Variants in CD109 observed in about 807,000 individuals in gnomAD.
CD109 encodes the protein CD109 antigen.
CD109 carries 149 observed loss-of-function variants against 165.8 expected under a neutral mutation model. The observed-to-expected ratio is 0.90, with a 90% CI of 0.79 to 1.03. The LOEUF (loss-of-function observed/expected upper bound fraction) is 1.03. CD109 is among the 50% of genes least tolerant of loss of function. The pLI is 0.00. For missense variants in CD109, 1,712 were observed against 1,677.8 expected (o/e 1.02, Z -0.36); for synonymous variants, 585 against 592.1 (o/e 0.99, Z 0.18).
At chr6:73,813,294 C>A (rs911314262) in intron 29 of CD109, among the ~76,000 whole-genome samples, 11 of 152,012 alleles carry the variant, frequency 7.2e-5, no homozygotes, top group Admixed American at 6.6e-4. Context: ...AAGAGTAAAT[C>A]CAGAAGTAAA....
At chr6:73,738,885 C>G (rs1221008377) in intron 5 of CD109, among the ~76,000 whole-genome samples, 1 of 152,156 alleles carries the variant, frequency 6.6e-6, no homozygotes, top group Non-Finnish European at 1.5e-5. Flanking sequence ...TGCTTTTAAC[C>G]TGCAGCCATT....
At chr6:73,682,340 T>G in the CD109 span, among the ~76,000 whole-genome samples, 1 of 152,324 alleles carries the variant, frequency 6.6e-6, no homozygotes, top group Middle Eastern at 3.4e-3. Flanking sequence ...ACACGTCCCA[T>G]GCAAGTCCAA....
At chr6:73,821,957 A>G (rs1400117002) in intron 32 of CD109, among the ~76,000 whole-genome samples, 1 of 152,198 alleles carries the variant, frequency 6.6e-6, no homozygotes, top group Non-Finnish European at 1.5e-5. Context: ...CATCGGCTGG[A>G]GTTAGCTGTT....
rs764833525 is a variant in CD109, at chr6:73,765,957, CA to C, written c.1137del (p.Gln379HisfsTer2). ...TVKVTRADGN[Q>X]LTLEERRNNV... is the part of the protein sequence containing the mutation. ...GAAGGTAACTCGTGCTGATGGCAAC[CA>C]ACTGACTCTTGAAGAAAGAAGAAAT... On this transcript the variant is annotated frameshift_variant, in exon 11 of 33. Coordinates refer to ENST00000287097, the MANE Select transcript of CD109 (RefSeq NM_133493.5). LOFTEE classifies it high-confidence loss of function. The C allele has an allele frequency of 2.5e-6, 4 of 1,613,744 alleles. No individual in the cohort carries two copies. The African/African-American group carries it at 5.3e-5, about 22-fold the overall frequency.
At chr6:73,779,639 G>T (rs9447016) in intron 15 of CD109, among the ~76,000 whole-genome samples, 59,074 of 151,778 alleles carry the variant, frequency 0.39, 11,769 homozygotes, top group African/African-American at 0.47. Context: ...ATGGACACAG[G>T]TTGTTTCCAC....
chr6:73,765,999 G>A lies in CD109; in HGVS notation c.1177G>A (p.Val393Met). The A allele has an allele frequency of 6.2e-7, 1 of 1,614,108 alleles. No individual in the cohort carries two copies. Among genetic ancestry groups the A allele is most frequent in the Non-Finnish European group, 8.5e-7 (1 of 1,179,970 alleles). The change falls in exon 11 of 33, where the codon GTG (valine) becomes ATG (methionine). Residue 393 changes from valine (V) to methionine (M), a missense_variant. Physicochemically the swap from Val to Met is conservative, Grantham distance 21 (BLOSUM62 1). Transcript: ENST00000287097. ...AAGAAGAAATAATGTAGTCATAACA[G>A]TGACACAGAGAAACTATACTGAGTA... is the stretch of plus-strand genomic sequence containing the variant. ...EERRNNVVIT[V>M]TQRNYTEYWS...
intron 3 of CD109, among the ~76,000 whole-genome samples, chr6:73,728,542 C>T (rs1443617273): frequency 6.6e-6 from 1 of 152,164 alleles, no homozygotes; most frequent in East Asian, 1.9e-4. Context: ...TCCATCTACC[C>T]ATCTTTCTAT....
chr6:73,766,620 A>G lies in CD109; in HGVS notation c.1333-139A>G, dbSNP rs533801287. The G allele has an allele frequency of 2.8e-5, 17 of 613,444 alleles. 1 individual carries two copies. The highest frequency in any genetic ancestry group is 2.0e-4 in the South Asian group (10 of 49,162). 38.0% of individuals were successfully genotyped at this position (613,444 alleles called of 1,614,324 possible). On this transcript the variant is annotated intron_variant, in intron 11 of 32. Coordinates refer to ENST00000287097, the MANE Select transcript of CD109 (RefSeq NM_133493.5). Reference sequence around the variant, plus strand: ...TAAGCTATAAAATGATGAAAATCCAATGTCTGGTGAATGTATTTTTCTTGC... The same window carrying G: ...TAAGCTATAAAATGATGAAAATCCAGTGTCTGGTGAATGTATTTTTCTTGC...
At chr6:73,789,609 A>G (rs1582162255) in intron 22 of CD109, among the ~76,000 whole-genome samples, 1 of 140,734 alleles carries the variant, frequency 7.1e-6, no homozygotes, top group African/African-American at 2.7e-5. Flanking sequence ...ACCCGCCACC[A>G]TGCCTGGCTA....
chr6:73,805,752 G>A (rs192407013), intron 24 of CD109, among the ~76,000 whole-genome samples: 2 of 152,124 alleles, frequency 1.3e-5, no homozygotes, highest in Non-Finnish European at 1.5e-5. Context: ...GACTCTTAAC[G>A]AGCATGCTGC....
intron 14 of CD109, among the ~76,000 whole-genome samples, chr6:73,769,650 G>T (rs1362355075): frequency 6.6e-6 from 1 of 152,228 alleles, no homozygotes; most frequent in Admixed American, 6.5e-5. Flanking sequence ...GTTTATTAAT[G>T]TTCAGTAATG....
chr6:73,728,759 T>G (rs1772234759), intron 3 of CD109, among the ~76,000 whole-genome samples: 1 of 152,152 alleles, frequency 6.6e-6, no homozygotes, highest in Non-Finnish European at 1.5e-5. Context: ...AAAACTTATT[T>G]GCAAAAATGA....
chr6:73,736,359 T>C, intron 4 of CD109, 24 bp from the exon 5 acceptor site: 1 of 1,612,090 alleles, frequency 6.2e-7, no homozygotes, highest in Non-Finnish European at 8.5e-7. Flanking sequence ...CTCTACATAC[T>C]TACATGTCTG....
At chr6:73,785,125 G>C (rs1774638927) in intron 19 of CD109, among the ~76,000 whole-genome samples, 1 of 152,184 alleles carries the variant, frequency 6.6e-6, no homozygotes, top group Non-Finnish European at 1.5e-5. Flanking sequence ...TATGTGAAGT[G>C]TTTGGTTGCT....
At chr6:73,779,395 C>G (rs1284747812) in intron 15 of CD109, among the ~76,000 whole-genome samples, 1 of 151,900 alleles carries the variant, frequency 6.6e-6, no homozygotes, top group South Asian at 2.1e-4. Flanking sequence ...ACTACAGGCG[C>G]CCACCACTAC....
chr6:73,723,008 A>G (rs955563552), intron 2 of CD109: 4 of 320,972 alleles, frequency 1.2e-5, no homozygotes, highest in Non-Finnish European at 1.8e-5. Context: ...AGAGAAGCAG[A>G]ACCTAATGTT....
intron 31 of CD109, among the ~76,000 whole-genome samples, chr6:73,819,007 G>T (rs368831019): frequency 2.6e-5 from 4 of 152,194 alleles, no homozygotes; most frequent in African/African-American, 9.6e-5. Context: ...AATTTCATGA[G>T]AATTTTTTGT....
In CD109 at chr6:73,806,190, G is replaced by T. The variant is rs562503972; in HGVS notation, c.2961-654G>T. Among the ~76,000 whole-genome samples the T allele has an allele frequency of 1.9e-3, 294 of 152,168 alleles. 1 individual carries two copies. Among genetic ancestry groups the T allele is most frequent in the African/African-American group, 6.8e-3 (284 of 41,512 alleles). On this transcript the variant is annotated intron_variant, in intron 24 of 32. Coordinates refer to ENST00000287097, the MANE Select transcript of CD109 (RefSeq NM_133493.5). ...TGGAATACTATGCAGCCATAAAAAA[G>T]GATGAGTTCATGTCCTTTGTAGGGA...
rs1041795816 is a variant in CD109, at chr6:73,703,752, G to A, written c.247+6180G>A. On this transcript the variant is annotated intron_variant, in intron 2 of 32. Transcript: ENST00000287097. ...TGGAGTTGCTCTTTATGCACTATTT[G>A]TTCTGTATAAGGGGTGGGGGCTGGG... Among the ~76,000 whole-genome samples, 17 of 148,006 alleles carry A rather than the reference G, an allele frequency of 1.1e-4. 1 individual carries two copies. Among genetic ancestry groups the A allele is most frequent in the Admixed American group, 1.1e-3 (16 of 14,694 alleles).
Sources: gnomAD v4.1 joint callset for allele counts (sites outside exome capture counted in the v4.1 genomes callset) on GRCh38, gnomAD v4.1.1 for gene constraint, MANE v1.5 for transcripts, NCBI Gene and HGNC (gene_info 2026-07-23, HGNC 2026-07-21) for gene names.